Variants in LTBP1 observed in about 807,000 individuals in gnomAD.
LTBP1 encodes latent transforming growth factor beta binding protein 1, also known as latent-transforming growth factor beta-binding protein 1.
A neutral mutation model predicts 207.6 loss-of-function variants in LTBP1; 129 were observed. The observed-to-expected ratio is 0.62, with a 90% confidence interval of 0.54 to 0.72. The LOEUF is 0.72. Ranked by LOEUF, LTBP1 falls within the 30% of genes least tolerant of loss-of-function variation. LTBP1 has a pLI of 0.00. For missense variants in LTBP1, 2,281 were observed against 2,217.2 expected (o/e 1.03, Z -0.58); for synonymous variants, 963 against 833.7 (o/e 1.16, Z -2.67).
chr2:33,193,800 T>C (rs150297822), intron 7 of LTBP1, among the ~76,000 whole-genome samples: 186 of 152,330 alleles, frequency 1.2e-3, no homozygotes, highest in African/African-American at 4.4e-3. Context: ...GCAAACTTAA[T>C]TGATACATGT....
chr2:33,321,164 T>A (rs2094348294), intron 24 of LTBP1, among the ~76,000 whole-genome samples: 2 of 152,072 alleles, frequency 1.3e-5, no homozygotes, highest in Admixed American at 1.3e-4. Context: ...AATTGAGCAC[T>A]GCAAGACTGG....
chr2:33,000,682 T>A (rs1685959364), intron 2 of LTBP1, among the ~76,000 whole-genome samples: 1 of 134,784 alleles, frequency 7.4e-6, no homozygotes, highest in Non-Finnish European at 1.6e-5. Context: ...ATTTGCTGCC[T>A]CCAGATCTCT....
intron 25 of LTBP1, among the ~76,000 whole-genome samples, chr2:33,344,551 T>G (rs1270753921): frequency 6.6e-6 from 1 of 152,182 alleles, no homozygotes; most frequent in Non-Finnish European, 1.5e-5. Flanking sequence ...TTTTTCTCAC[T>G]CGTTCTTGAA....
intron 20 of LTBP1, among the ~76,000 whole-genome samples, chr2:33,300,087 T>A (rs773636956): frequency 1.8e-4 from 28 of 152,248 alleles, no homozygotes; most frequent in Non-Finnish European, 3.7e-4. Flanking sequence ...TCCTTCTGAC[T>A]TCTTTCATGC....
intron 19 of LTBP1, among the ~76,000 whole-genome samples, chr2:33,283,687 CG>C (rs1379224837): frequency 6.6e-6 from 1 of 152,034 alleles, no homozygotes; most frequent in Non-Finnish European, 1.5e-5. Context: ...CCACCCGCCT[CG>C]GCCTCCCAAA....
At chr2:33,114,125 A>G (rs771295819) in intron 4 of LTBP1, among the ~76,000 whole-genome samples, 3 of 152,202 alleles carry the variant, frequency 2.0e-5, no homozygotes, top group Non-Finnish European at 4.4e-5. Flanking sequence ...TACAGGTGTG[A>G]GCCACCATGC....
intron 3 of LTBP1, among the ~76,000 whole-genome samples, chr2:33,101,845 A>G (rs971719810): frequency 3.9e-5 from 6 of 152,276 alleles, no homozygotes; most frequent in African/African-American, 9.6e-5. Context: ...ATCTCTTTCA[A>G]TGGTTGCTTG....
At chr2:33,093,771 C>T (rs1372348482) in intron 3 of LTBP1, among the ~76,000 whole-genome samples, 6 of 152,008 alleles carry the variant, frequency 3.9e-5, no homozygotes, top group African/African-American at 1.4e-4. Context: ...TTGAATTCCA[C>T]TGAGAACTAT....
chr2:33,252,576 T>G, intron 10 of LTBP1, 101 bp from the exon 11 acceptor site: 1 of 1,048,870 alleles, frequency 9.5e-7, no homozygotes, highest in Non-Finnish European at 1.4e-6. Flanking sequence ...TCCTGAAGTG[T>G]GGTTTTTAAT....
chr2:33,344,102 A>G (rs1256279540), intron 25 of LTBP1, among the ~76,000 whole-genome samples: 1 of 152,242 alleles, frequency 6.6e-6, no homozygotes, highest in African/African-American at 2.4e-5. Context: ...TTTAATGATA[A>G]TGTCACTTAA....
At chr2:33,243,913 ACAAG>A in intron 10 of LTBP1, 129 bp downstream of exon 10, 2 of 1,024,454 alleles carry the variant, frequency 2.0e-6, no homozygotes, top group South Asian at 1.6e-5. Flanking sequence ...AATTAAAATA[ACAAG>A]CAAGGGGCCT....
chr2:32,964,653 G>C (rs935389590), intron 2 of LTBP1, among the ~76,000 whole-genome samples: 1 of 151,468 alleles, frequency 6.6e-6, no homozygotes, highest in African/African-American at 2.4e-5. Flanking sequence ...TCTAAGAAAT[G>C]GTGTTAAAAT....
intron 2 of LTBP1, among the ~76,000 whole-genome samples, chr2:33,015,552 C>A (rs7607622): frequency 7.6e-6 from 1 of 132,114 alleles, no homozygotes; most frequent in African/African-American, 2.9e-5. Flanking sequence ...TAGGAGAGAA[C>A]TGTAAGAAGT....
At chr2:33,316,959 C>A (rs1281870904) in intron 24 of LTBP1, among the ~76,000 whole-genome samples, 1 of 151,966 alleles carries the variant, frequency 6.6e-6, no homozygotes, top group Non-Finnish European at 1.5e-5. Flanking sequence ...TTGTGCCATG[C>A]AAAATTATAT....
chr2:33,196,398 A>G (rs971493747), intron 7 of LTBP1, among the ~76,000 whole-genome samples: 8 of 152,260 alleles, frequency 5.3e-5, no homozygotes, highest in African/African-American at 1.4e-4. Flanking sequence ...TAATACATTT[A>G]GAGACTTTTT....
chr2:32,979,509 C>G (rs887567813), intron 2 of LTBP1, among the ~76,000 whole-genome samples: 2 of 151,902 alleles, frequency 1.3e-5, no homozygotes, highest in Admixed American at 6.6e-5. Flanking sequence ...TCCAAAATTC[C>G]TTTTGAATTG....
At chr2:33,215,126 A>G (rs1239732366) in intron 7 of LTBP1, among the ~76,000 whole-genome samples, 1 of 152,124 alleles carries the variant, frequency 6.6e-6, no homozygotes, top group Non-Finnish European at 1.5e-5. Flanking sequence ...CATCTGGAGT[A>G]GGGAGCTTTT....
At chr2:33,068,021 C>G (rs1280537303) in intron 3 of LTBP1, among the ~76,000 whole-genome samples, 1 of 152,060 alleles carries the variant, frequency 6.6e-6, no homozygotes, top group East Asian at 1.9e-4. Context: ...AATGAATATG[C>G]TTAAATAAAA....
At chr2:33,061,549 G>T (rs1484543253) in intron 3 of LTBP1, 1 of 152,184 alleles carries the variant, frequency 6.6e-6, no homozygotes, top group South Asian at 2.1e-4. Flanking sequence ...AACTTCATGT[G>T]AGATTATACA....
Sources: allele counts gnomAD v4.1 joint callset (sites outside exome capture counted in the v4.1 genomes callset), GRCh38; gene constraint gnomAD v4.1.1; transcripts MANE v1.5; gene names NCBI Gene and HGNC (gene_info 2026-07-23, HGNC 2026-07-21).